Variants in DLG2 observed in about 807,000 individuals in gnomAD.
DLG2 encodes the protein discs large MAGUK scaffold protein 2, also known as disks large homolog 2.
Under a neutral mutation model 132.5 loss-of-function variants are expected in DLG2, and 45 were observed. That is an observed-to-expected ratio of 0.34 (90% CI 0.27 to 0.44). The LOEUF is 0.44. Among genes scored for constraint, DLG2 ranks in the 20% least tolerant of loss-of-function variants. DLG2 has a pLI of 1.00. For synonymous variants in DLG2, 424 were observed against 419.6 expected (o/e 1.01, Z -0.13); for missense variants, 1,045 against 1,196.9 (o/e 0.87, Z 1.87).
chr11:84,238,459 A>G (rs1448281100), intron 8 of DLG2, among the ~76,000 whole-genome samples: 1 of 151,992 alleles, frequency 6.6e-6, no homozygotes, highest in Non-Finnish European at 1.5e-5. Context: ...GGTCCAGGCT[A>G]CAGTGAGCCC....
intron 3 of DLG2, among the ~76,000 whole-genome samples, chr11:85,392,403 C>A (rs1015145514): frequency 6.6e-6 from 1 of 151,140 alleles, no homozygotes; most frequent in African/African-American, 2.4e-5. Flanking sequence ...TATCAAAATA[C>A]CACCATCATT....
intron 6 of DLG2, among the ~76,000 whole-genome samples, chr11:84,567,627 A>C (rs1303058368): frequency 6.6e-6 from 1 of 152,202 alleles, no homozygotes; most frequent in Non-Finnish European, 1.5e-5. Context: ...CATACTGTTA[A>C]AGTACAAACT....
At chr11:84,288,795 T>C (rs1417564752) in intron 7 of DLG2, among the ~76,000 whole-genome samples, 1 of 152,166 alleles carries the variant, frequency 6.6e-6, no homozygotes, top group Non-Finnish European at 1.5e-5. Flanking sequence ...AAATAGGCCT[T>C]GCAAACTTTG....
chr11:84,796,839 T>TTTTATTTA (rs564095288), intron 6 of DLG2, among the ~76,000 whole-genome samples: 8,763 of 149,814 alleles, frequency 0.058, 413 homozygotes, highest in African/African-American at 0.12. Flanking sequence ...TTTTATTATA[T>TTTTATTTA]TTTATTTATT....
chr11:83,737,998 T>C lies in DLG2; in HGVS notation c.1825+48692A>G, dbSNP rs1409185760. ...TCCTCCCTCTCCTCTCAGATCCATA[T>C]TCAGAGAGGAACCCCAGAGGGAAAC... is the stretch of plus-strand genomic sequence containing the variant. On this transcript the variant is annotated intron_variant, in intron 18 of 27. Coordinates refer to ENST00000376104, the MANE Select transcript of DLG2 (RefSeq NM_001142699.3). Among the ~76,000 whole-genome samples the C allele has an allele frequency of 2.6e-5, 4 of 152,262 alleles. No individual in the cohort carries two copies. The East Asian group carries it at 7.7e-4, about 29-fold the overall frequency.
chr11:85,436,066 A>T (rs1372216889), intron 3 of DLG2, among the ~76,000 whole-genome samples: 1 of 152,222 alleles, frequency 6.6e-6, no homozygotes. Flanking sequence ...TGAGTAAAGG[A>T]TTCTCTGTTT....
chr11:83,579,994 T>A (rs2096942398), intron 19 of DLG2, among the ~76,000 whole-genome samples: 1 of 151,368 alleles, frequency 6.6e-6, no homozygotes, highest in Non-Finnish European at 1.5e-5. Context: ...AATAAATAAA[T>A]AATAAATAAT....
intron 18 of DLG2, among the ~76,000 whole-genome samples, chr11:83,695,983 T>A (rs1222904482): frequency 6.6e-6 from 1 of 152,072 alleles, no homozygotes; most frequent in Non-Finnish European, 1.5e-5. Context: ...ACGGGGTGGA[T>A]CATTCTCTGT....
chr11:84,774,024 C>A (rs1056825714), intron 6 of DLG2, among the ~76,000 whole-genome samples: 4 of 151,960 alleles, frequency 2.6e-5, no homozygotes, highest in Admixed American at 2.0e-4. Context: ...ATAATTTTAT[C>A]CCAGGAATAC....
chr11:84,403,264 G>A (rs2098837018), intron 7 of DLG2, among the ~76,000 whole-genome samples: 1 of 152,236 alleles, frequency 6.6e-6, no homozygotes, highest in Admixed American at 6.5e-5. Flanking sequence ...AAGATATCAT[G>A]TGGTTATCAC....
At chr11:85,140,326 T>A (rs1357921578) in intron 5 of DLG2, among the ~76,000 whole-genome samples, 1 of 152,004 alleles carries the variant, frequency 6.6e-6, no homozygotes, top group Non-Finnish European at 1.5e-5. Flanking sequence ...ACATTTGTCA[T>A]CTTTTGACTT....
chr11:83,767,981 T>G (rs1415743110), intron 18 of DLG2, among the ~76,000 whole-genome samples: 3 of 152,198 alleles, frequency 2.0e-5, no homozygotes, highest in African/African-American at 7.2e-5. Flanking sequence ...CAAACATCTT[T>G]GCCTCTCTTC....
chr11:83,723,206 C>A (rs2089149025), intron 18 of DLG2, among the ~76,000 whole-genome samples: 1 of 151,908 alleles, frequency 6.6e-6, no homozygotes, highest in Admixed American at 6.6e-5. Flanking sequence ...CATGATGAAA[C>A]CCCATCTCTA....
At chr11:84,300,438 G>A (rs906482419) in intron 7 of DLG2, among the ~76,000 whole-genome samples, 2 of 152,170 alleles carry the variant, frequency 1.3e-5, no homozygotes, top group Non-Finnish European at 2.9e-5. Flanking sequence ...AAAGACAGGT[G>A]CATAGATCAC....
chr11:84,800,129 A>G (rs2075190459), intron 6 of DLG2, among the ~76,000 whole-genome samples: 1 of 152,214 alleles, frequency 6.6e-6, no homozygotes, highest in African/African-American at 2.4e-5. Context: ...AAAAATCTGT[A>G]TGTACAAAAT....
At position 84,506,079 on chromosome 11, in the gene DLG2, C is replaced by CTTTTTTTTTTT. The variant is rs779039240; in HGVS notation, c.519+28480_519+28490dup. Among the ~76,000 whole-genome samples the CTTTTTTTTTTT allele has an allele frequency of 1.4e-3, 155 of 106,970 alleles. 12 individuals are homozygous for CTTTTTTTTTTT. The highest frequency in any genetic ancestry group is 2.7e-3 in the African/African-American group (53 of 19,734). The allele number at this position is 106,970 out of a possible 152,430, so 70.2% of individuals were successfully genotyped here. On this transcript the variant is annotated intron_variant, in intron 7 of 27. Coordinates refer to ENST00000376104, the MANE Select transcript of DLG2 (RefSeq NM_001142699.3). ...CTAATGTTATGACAGAGGCTCAGTT[C>CTTTTTTTTTTT]TTTTTTTTTTTTTTGAGACGGAGTC... is the stretch of plus-strand genomic sequence containing the variant.
At chr11:83,634,623 C>G (rs1405917456) in intron 18 of DLG2, among the ~76,000 whole-genome samples, 5 of 152,052 alleles carry the variant, frequency 3.3e-5, no homozygotes, top group Non-Finnish European at 7.4e-5. Flanking sequence ...TTTAATAAAA[C>G]AAGGATGAAT....
chr11:84,906,413 C>CACACAG (rs1555291378), intron 6 of DLG2, among the ~76,000 whole-genome samples: 1 of 149,656 alleles, frequency 6.7e-6, no homozygotes. Flanking sequence ...CACACACACA[C>CACACAG]AGAGAGCCAA....
At chr11:84,826,867 T>C (rs1023939712) in intron 6 of DLG2, among the ~76,000 whole-genome samples, 7 of 151,884 alleles carry the variant, frequency 4.6e-5, no homozygotes, top group South Asian at 2.1e-4. Flanking sequence ...TTCTAATTAC[T>C]TCTTCAAAAT....
Sources: gnomAD v4.1 joint callset for allele counts (sites outside exome capture counted in the v4.1 genomes callset) on GRCh38, gnomAD v4.1.1 for gene constraint, MANE v1.5 for transcripts, NCBI Gene and HGNC (gene_info 2026-07-23, HGNC 2026-07-21) for gene names.